The following RASA1 variants were observed in gnomAD, a reference collection of about 807,000 sequenced individuals.
RASA1 encodes ras GTPase-activating protein 1.
Under a neutral mutation model 132.2 loss-of-function variants are expected in RASA1, and 25 were observed. The observed-to-expected ratio is 0.19, with a 90% confidence interval of 0.14 to 0.26. The LOEUF is 0.26. Ranked by LOEUF, RASA1 falls within the 10% of genes least tolerant of loss-of-function variation. The pLI, the probability that RASA1 is intolerant of heterozygous loss-of-function variation, is 1.00. For synonymous variants in RASA1, 477 were observed against 449.9 expected (o/e 1.06, Z -0.76); for missense variants, 964 against 1,299.2 (o/e 0.74, Z 3.97).
At chr5:87,348,005 TC>T (rs915538973) in intron 7 of RASA1, among the ~76,000 whole-genome samples, 1 of 152,036 alleles carries the variant, frequency 6.6e-6, no homozygotes, top group Non-Finnish European at 1.5e-5. Context: ...GGATTTTCTC[TC>T]CTGAGAAGTA....
At chr5:87,332,669 C>T in intron 3 of RASA1, 27 bp downstream of exon 3, 1 of 1,587,798 alleles carries the variant, frequency 6.3e-7, no homozygotes, top group Non-Finnish European at 8.6e-7. Context: ...AAATATCTTT[C>T]AAAACTTTAT....
chr5:87,281,400 G>A (rs1161898964), intron 1 of RASA1, among the ~76,000 whole-genome samples: 5 of 151,618 alleles, frequency 3.3e-5, no homozygotes, highest in African/African-American at 4.8e-5. Flanking sequence ...TCAGCTTCCC[G>A]AGTGCCAACA....
chr5:87,268,687 G>C lies in RASA1; in HGVS notation c.236G>C (p.Gly79Ala). The change falls in exon 1 of 25, where the codon GGG becomes GCG. Residue 79 changes from glycine (G) to alanine (A), a missense_variant. By Grantham distance (60) the Gly-to-Ala change is moderately conservative. Transcript: ENST00000274376. The part of the protein sequence containing the change: ...SEFLGAGSVA[G>A]ALGGAGLTGG... ...TTCCTAGGAGCCGGGTCTGTGGCAG[G>C]GGCACTGGGGGGAGCTGGACTGACA... 6.2e-7 allele frequency: 1 copy of C among 1,611,460 alleles called. No individual in the cohort carries two copies. Among genetic ancestry groups the C allele is most frequent in the Non-Finnish European group, 8.5e-7 (1 of 1,178,982 alleles).
chr5:87,303,053 C>T (rs961823512), intron 1 of RASA1, among the ~76,000 whole-genome samples: 25 of 152,084 alleles, frequency 1.6e-4, no homozygotes, highest in African/African-American at 5.3e-4. Context: ...GACCCATTTC[C>T]GTCAAGTAAA....
chr5:87,268,804 A>C lies in RASA1; in HGVS notation c.353A>C (p.Lys118Thr), dbSNP rs1357841658. The change falls in exon 1 of 25, where the codon AAA becomes ACA. Residue 118 changes from lysine to threonine, a missense_variant. By Grantham distance (78) the Lys-to-Thr change is moderately conservative (BLOSUM62 -1). This residue lies in a region of RASA1 where 326 missense variants were observed against 275.8 expected (regional missense o/e 1.18). Coordinates refer to ENST00000274376, the MANE Select transcript of RASA1 (RefSeq NM_002890.3). The stretch of plus-strand genomic sequence containing the variant: ...CCTAGTGGAGACATGGCTCTCACCA[A>C]ACTGCCCACTTCGTTGCTTGCTGAG... ...AGPSGDMALT[K>T]LPTSLLAETL... is the part of the protein sequence containing the mutation. The C allele has an allele frequency of 6.2e-7, 1 of 1,613,982 alleles. No homozygotes were observed. Among genetic ancestry groups the C allele is most frequent in the African/African-American group, 1.3e-5 (1 of 74,990 alleles).
At chr5:87,372,812 T>G (rs1761046856) in intron 13 of RASA1, among the ~76,000 whole-genome samples, 1 of 152,178 alleles carries the variant, frequency 6.6e-6, no homozygotes. Context: ...AAAGAAAGTT[T>G]AGTACAATAT....
intron 18 of RASA1, 111 bp from the exon 19 acceptor site, chr5:87,379,624 A>C: frequency 9.1e-6 from 13 of 1,425,184 alleles, no homozygotes; most frequent in South Asian, 2.7e-5. Context: ...CAATACACAC[A>C]GAGATACCGA....
Position 87,378,529 on chromosome 5 carries a change from G to C in RASA1, c.2478G>C (p.Gln826His). Residue 826 changes from glutamine to histidine, a missense_variant, in exon 18 of 25, where the codon CAG becomes CAC. Gln to His is a conservative substitution (Grantham distance 24). Transcript: ENST00000274376. ...DSILKIMESK[Q>H]SCELSPSKLE... Reference sequence around the variant, plus strand: ...TTTTAAAGATAATGGAAAGCAAGCAGTCTTGTGAGGTAAGAATTTAATGTT... The same window carrying C: ...TTTTAAAGATAATGGAAAGCAAGCACTCTTGTGAGGTAAGAATTTAATGTT... 6.2e-7 allele frequency: 1 copy of C among 1,608,050 alleles called. No individual in the cohort carries two copies. The highest frequency in any genetic ancestry group is 8.5e-7 in the Non-Finnish European group (1 of 1,174,696).
At chr5:87,311,828 G>A (rs1755936849) in intron 1 of RASA1, among the ~76,000 whole-genome samples, 3 of 152,190 alleles carry the variant, frequency 2.0e-5, no homozygotes, top group Admixed American at 1.3e-4. Context: ...AAATTACATT[G>A]TTAGCATAAT....
intron 1 of RASA1, among the ~76,000 whole-genome samples, chr5:87,278,534 A>C (rs1301613364): frequency 6.6e-6 from 1 of 152,060 alleles, no homozygotes; most frequent in Non-Finnish European, 1.5e-5. Context: ...CGACAGAGCG[A>C]GACTCTGTCT....
intron 1 of RASA1, among the ~76,000 whole-genome samples, chr5:87,330,631 GT>G (rs1371602503): frequency 6.6e-6 from 1 of 152,146 alleles, no homozygotes; most frequent in African/African-American, 2.4e-5. Context: ...GTATGCTAGA[GT>G]TACAGCCAGT....
chr5:87,359,472 A>C (rs1162392306), intron 9 of RASA1, among the ~76,000 whole-genome samples: 1 of 152,156 alleles, frequency 6.6e-6, no homozygotes, highest in Non-Finnish European at 1.5e-5. Flanking sequence ...TTTGTGGGCT[A>C]GTCCCCACTT....
intron 23 of RASA1, among the ~76,000 whole-genome samples, chr5:87,388,612 G>A (rs1193209018): frequency 6.6e-6 from 1 of 152,162 alleles, no homozygotes; most frequent in Non-Finnish European, 1.5e-5. Context: ...TTTCATTATA[G>A]TGACTAAGTT....
In RASA1 at chr5:87,357,574, A is replaced by G. The variant is rs371221768; in HGVS notation, c.1332+4339A>G. ...CAAAAAATTAGCTGGGTGTGGTGACATGCCCCTGTAGTCCCAGCTACTCTG... is the reference window on the plus strand; with the variant it reads ...CAAAAAATTAGCTGGGTGTGGTGACGTGCCCCTGTAGTCCCAGCTACTCTG... On this transcript the variant is annotated intron_variant, in intron 9 of 24. Coordinates refer to ENST00000274376, the MANE Select transcript of RASA1 (RefSeq NM_002890.3). Among the ~76,000 whole-genome samples the G allele has an allele frequency of 3.9e-5, 6 of 152,190 alleles. No homozygotes were observed. The East Asian group carries it at 7.7e-4, about 20-fold the overall frequency.
chr5:87,291,681 G>A (rs915167071), intron 1 of RASA1, among the ~76,000 whole-genome samples: 5 of 152,176 alleles, frequency 3.3e-5, no homozygotes, highest in Non-Finnish European at 5.9e-5. Flanking sequence ...TCTGGTTGTT[G>A]TAAAGTGTGG....
intron 1 of RASA1, among the ~76,000 whole-genome samples, chr5:87,323,453 A>G (rs1756978880): frequency 6.6e-6 from 1 of 152,156 alleles, no homozygotes; most frequent in Non-Finnish European, 1.5e-5. Flanking sequence ...CTGTGCTCAT[A>G]GGGTTATTGC....
At chr5:87,330,911 G>T in intron 1 of RASA1, 1 of 1,353,698 alleles carries the variant, frequency 7.4e-7, no homozygotes, top group Non-Finnish European at 9.6e-7. Flanking sequence ...ACACTAAAAT[G>T]GAATAAAACA....
chr5:87,309,178 G>A (rs1182339179), intron 1 of RASA1, among the ~76,000 whole-genome samples: 4 of 152,050 alleles, frequency 2.6e-5, no homozygotes, highest in African/African-American at 9.7e-5. Flanking sequence ...TCTTATCCCA[G>A]GCACTATTTT....
At position 87,390,874 on chromosome 5, in the gene RASA1, T is replaced by C. The variant is rs1166197926; in HGVS notation, c.3135T>C (p.Asp1045=). The C allele has an allele frequency of 1.9e-6, 3 of 1,611,038 alleles. No individual in the cohort carries two copies. In the African/African-American group the frequency reaches 4.0e-5, roughly 21 times the overall value. The part of the protein sequence containing the change: ...QKQNQYTKTN[D]VR ...AAAACCAGTATACAAAAACCAATGA[T>C]GTCAGGTAGCAGCCTTCGCCCCAGT... Residue 1045 remains aspartate, a synonymous_variant, in exon 25 of 25, where the codon GAT becomes GAC. Transcript: ENST00000274376.
Sources: allele counts gnomAD v4.1 joint callset (sites outside exome capture counted in the v4.1 genomes callset), GRCh38; gene constraint gnomAD v4.1.1; regional missense constraint gnomAD v4.1.1; transcripts MANE v1.5; gene names NCBI Gene and HGNC (gene_info 2026-07-23, HGNC 2026-07-21).